The following INPP4B variants were observed in gnomAD, a reference collection of about 807,000 sequenced individuals.
INPP4B encodes the protein inositol polyphosphate 4-phosphatase type II.
A neutral mutation model predicts 122.5 loss-of-function variants in INPP4B; 55 were observed. That is an observed-to-expected ratio of 0.45 (90% CI 0.36 to 0.56). The LOEUF is 0.56. Ranked by LOEUF, INPP4B falls within the 20% of genes least tolerant of loss-of-function variation. The pLI, the probability that INPP4B is intolerant of heterozygous loss-of-function variation, is 0.00. For synonymous variants in INPP4B, 403 were observed against 388.7 expected (o/e 1.04, Z -0.43); for missense variants, 1,000 against 1,097.7 (o/e 0.91, Z 1.26).
intron 25 of INPP4B, among the ~76,000 whole-genome samples, chr4:142,076,755 A>T (rs892908255): frequency 6.6e-6 from 1 of 152,048 alleles, no homozygotes; most frequent in African/African-American, 2.4e-5. Context: ...AATAAAATTT[A>T]AAAAAATAGC....
chr4:142,280,420 A>G (rs1291536462), intron 9 of INPP4B, among the ~76,000 whole-genome samples: 1 of 151,974 alleles, frequency 6.6e-6, no homozygotes, highest in Non-Finnish European at 1.5e-5. Context: ...ATTGGACTGA[A>G]TGAATGAAGT....
At chr4:142,286,468 A>C (rs548386213) in intron 9 of INPP4B, among the ~76,000 whole-genome samples, 1 of 152,354 alleles carries the variant, frequency 6.6e-6, no homozygotes, top group African/African-American at 2.4e-5. Context: ...AGATTGCTGT[A>C]TATATTTTTG....
intron 18 of INPP4B, among the ~76,000 whole-genome samples, chr4:142,131,249 G>T (rs114320454): frequency 6.6e-6 from 1 of 152,136 alleles, no homozygotes; most frequent in Non-Finnish European, 1.5e-5. Context: ...TTATCAATAT[G>T]TCTACATCAG....
rs575480020 is a variant in INPP4B at position 142,117,296 on chromosome 4, C to T, written c.2136-4614G>A. 1.1e-4 allele frequency among the ~76,000 whole-genome samples: 16 copies of T among 152,284 alleles called. No individual in the cohort carries two copies. The South Asian group carries it at 2.7e-3, about 26-fold the overall frequency. The stretch of plus-strand genomic sequence containing the variant: ...AATCAATAGAAAAAAAACGAATCCT[C>T]CCTAACTCACTTTATGAGGCCAGCA... On this transcript the variant is annotated intron_variant, in intron 21 of 25. Transcript: ENST00000262992.
chr4:142,445,322 A>C (rs983370425), intron 3 of INPP4B, among the ~76,000 whole-genome samples: 2 of 152,198 alleles, frequency 1.3e-5, no homozygotes, highest in Admixed American at 6.5e-5. Context: ...TTAGAAGAAA[A>C]AATAGAAAAG....
At chr4:142,728,447 C>G (rs1433760977) in intron 1 of INPP4B, among the ~76,000 whole-genome samples, 1 of 152,148 alleles carries the variant, frequency 6.6e-6, no homozygotes. Flanking sequence ...GAAGTCCTAC[C>G]CTGAATATGA....
chr4:142,537,724 T>C (rs1027196200), intron 2 of INPP4B, among the ~76,000 whole-genome samples: 1 of 135,274 alleles, frequency 7.4e-6, no homozygotes, highest in African/African-American at 2.7e-5. Flanking sequence ...TGTCTGTGAG[T>C]ATGTATGTGT....
chr4:142,741,980 CAG>C (rs1208946516), intron 1 of INPP4B, among the ~76,000 whole-genome samples: 1 of 151,858 alleles, frequency 6.6e-6, no homozygotes, highest in African/African-American at 2.4e-5. Context: ...GTTCAGGAAA[CAG>C]AGTTTTCCAA....
chr4:142,649,744 T>C (rs746599020), intron 2 of INPP4B, among the ~76,000 whole-genome samples: 1 of 152,158 alleles, frequency 6.6e-6, no homozygotes, highest in Admixed American at 6.5e-5. Flanking sequence ...GTTTAATAGA[T>C]ATATCTGAAA....
chr4:142,360,871 G>T (rs11723890), intron 7 of INPP4B, among the ~76,000 whole-genome samples: 35,450 of 151,824 alleles, frequency 0.23, 4,728 homozygotes, highest in East Asian at 0.46. Flanking sequence ...CTCAAAATCT[G>T]TATCAGTACT....
At chr4:142,743,097 G>T (rs75767279) in intron 1 of INPP4B, among the ~76,000 whole-genome samples, 4 of 152,090 alleles carry the variant, frequency 2.6e-5, no homozygotes, top group African/African-American at 9.6e-5. Flanking sequence ...GGAGTAACTT[G>T]TCTTGGATTA....
chr4:142,695,795 C>A (rs749314484), intron 2 of INPP4B, among the ~76,000 whole-genome samples: 1 of 152,112 alleles, frequency 6.6e-6, no homozygotes, highest in Non-Finnish European at 1.5e-5. Flanking sequence ...AGTTGTCAGG[C>A]ATAATGCTTG....
chr4:142,229,591 T>C (rs1283980722), intron 12 of INPP4B, among the ~76,000 whole-genome samples: 2 of 152,114 alleles, frequency 1.3e-5, no homozygotes, highest in African/African-American at 2.4e-5. Context: ...AATGTTTTGA[T>C]AGAGGCATAT....
At chr4:142,259,371 A>AT (rs1201219482) in intron 11 of INPP4B, among the ~76,000 whole-genome samples, 5 of 150,666 alleles carry the variant, frequency 3.3e-5, no homozygotes, top group East Asian at 1.9e-4. Flanking sequence ...AAATAAATAA[A>AT]AAAAAAGAAA....
Position 142,173,699 on chromosome 4 carries a change from A to G in INPP4B, c.1292T>C (p.Leu431Pro). Residue 431 changes from leucine (L) to proline (P), a missense_variant, in exon 16 of 26, where the codon CTG (leucine) becomes CCG (proline). Physicochemically the swap from Leu to Pro is moderately conservative, Grantham distance 98. Transcript: ENST00000262992. ...QPLIATHADL[L>P]LNSASQHSPD... is the part of the protein sequence containing the mutation. ...AGAATGCTGGCTTGCAGAATTAAGC[A>G]GTAGGTCTGCATGGGTTGCTATAAG... The G allele has an allele frequency of 1.2e-6, 2 of 1,613,276 alleles. No individual in the cohort carries two copies. Among genetic ancestry groups the G allele is most frequent in the Non-Finnish European group, 1.7e-6 (2 of 1,179,434 alleles).
intron 2 of INPP4B, among the ~76,000 whole-genome samples, chr4:142,583,948 A>C (rs527389522): frequency 1.3e-5 from 2 of 151,996 alleles, no homozygotes; most frequent in Non-Finnish European, 2.9e-5. Context: ...CAAAATTAAA[A>C]CTTCAATCTC....
chr4:142,817,226 CATTT>C (rs1780217303), intron 1 of INPP4B, among the ~76,000 whole-genome samples: 1 of 152,076 alleles, frequency 6.6e-6, no homozygotes, highest in African/African-American at 2.4e-5. Flanking sequence ...TGCACTCATT[CATTT>C]AACAAAGTGG....
chr4:142,832,987 C>T lies in INPP4B; in HGVS notation c.-254+13222G>A, dbSNP rs548503817. ...TGAAGCCTTGTTTTACATGATAATA[C>T]GCACAAAGGATTGTTTGGGGAATAT... is the stretch of plus-strand genomic sequence containing the variant. On this transcript the variant is annotated intron_variant, in intron 1 of 25. Transcript: ENST00000262992. Among the ~76,000 whole-genome samples, 220 of 152,038 alleles carry T rather than the reference C, an allele frequency of 1.4e-3. 1 individual carries two copies. Among genetic ancestry groups the T allele is most frequent in the Middle Eastern group, 6.8e-3 (2 of 294 alleles).
At chr4:142,200,126 T>C (rs1754328312) in intron 14 of INPP4B, among the ~76,000 whole-genome samples, 1 of 152,002 alleles carries the variant, frequency 6.6e-6, no homozygotes, top group South Asian at 2.1e-4. Flanking sequence ...CAGTCATCTA[T>C]TAATATTAAT....
Sources: allele counts gnomAD v4.1 joint callset (sites outside exome capture counted in the v4.1 genomes callset), GRCh38; gene constraint gnomAD v4.1.1; transcripts MANE v1.5; gene names NCBI Gene and HGNC (gene_info 2026-07-23, HGNC 2026-07-21).